The following PLEKHG5 variants were observed in gnomAD, a reference collection of about 807,000 sequenced individuals.
PLEKHG5 encodes pleckstrin homology and RhoGEF domain containing G5, also known as pleckstrin homology domain-containing family G member 5.
In PLEKHG5, 52 loss-of-function variants were observed where a neutral mutation model predicts 103.8. The ratio of observed to expected loss-of-function variants is 0.50; its 90% CI spans 0.40 to 0.63. PLEKHG5 has a LOEUF of 0.63. Ranked by LOEUF, PLEKHG5 falls within the 30% of genes least tolerant of loss-of-function variation. The probability of loss-of-function intolerance (pLI) is 0.00; values close to 1 mark genes in which losing one functional copy is unlikely to be tolerated. For missense variants in PLEKHG5, 1,205 were observed against 1,347.6 expected, an observed-to-expected ratio of 0.89 and a Z score of 1.66; for synonymous variants, 592 against 575.5, an observed-to-expected ratio of 1.03 and a Z score of -0.41.
At chr1:6,512,776 G>C (rs1043291289) in intron 1 of PLEKHG5, among the ~76,000 whole-genome samples, 8 of 152,210 alleles carry the variant, frequency 5.3e-5, no homozygotes, top group Non-Finnish European at 8.8e-5. Context: ...TCCAGAACCA[G>C]CCGGGCTCCC....
intron 1 of PLEKHG5, among the ~76,000 whole-genome samples, chr1:6,510,615 C>G: frequency 6.6e-6 from 1 of 152,172 alleles, no homozygotes; most frequent in East Asian, 1.9e-4. Context: ...TCTGCCTCTG[C>G]CCTCTGGAGG....
rs1248620019 is a variant in PLEKHG5 at position 6,490,990 on chromosome 1, T to G, written c.-88+647A>C. On this transcript the variant is annotated intron_variant, in intron 1 of 20. Transcript: ENST00000377728. The surrounding 1 kb of genome is among the most constrained non-coding windows in gnomAD (Gnocchi z 8.0). ...CCCGCAGGCCTAGCCCGCCCCGGAATCGCCCTGAGCCAGGTTCGCTTCCGC... is the reference window on the plus strand; with the variant it reads ...CCCGCAGGCCTAGCCCGCCCCGGAAGCGCCCTGAGCCAGGTTCGCTTCCGC... 6.6e-6 allele frequency among the ~76,000 whole-genome samples: 1 copy of G among 152,044 alleles called. No homozygotes were observed. The highest frequency in any genetic ancestry group is 1.5e-5 in the Non-Finnish European group (1 of 68,010).
intron 16 of PLEKHG5, 63 bp downstream of exon 16, chr1:6,470,173 G>A (rs1296594034): frequency 1.9e-6 from 3 of 1,584,484 alleles, no homozygotes; most frequent in East Asian, 4.5e-5. Flanking sequence ...GAGAACCAGT[G>A]ACTGGGGCCC....
At position 6,468,594 on chromosome 1, in the gene PLEKHG5, G is replaced by A; in HGVS notation, c.2250-8C>T. ...GTGGAGCCATCTGAGGCACTGTGGG[G>A]CCAGGAGCAGAGTCAGCCCAGGCCA... is the stretch of plus-strand genomic sequence containing the variant. On this transcript the variant is annotated splice_polypyrimidine_tract_variant and splice_region_variant and intron_variant, in intron 19 of 20. Transcript: ENST00000377728. 6.2e-7 allele frequency: 1 copy of A among 1,612,890 alleles called. No individual in the cohort carries two copies. The highest frequency in any genetic ancestry group is 8.5e-7 in the Non-Finnish European group (1 of 1,179,900).
At chr1:6,518,154 G>A (rs1039435385) in intron 1 of PLEKHG5, among the ~76,000 whole-genome samples, 13 of 151,474 alleles carry the variant, frequency 8.6e-5, no homozygotes, top group South Asian at 2.1e-4. Flanking sequence ...GGATGGTCTT[G>A]ATCTCCTGAC....
rs778550843 is a variant in PLEKHG5 at position 6,486,482 on chromosome 1, G to A, written c.-88+5155C>T. Among the ~76,000 whole-genome samples the A allele has an allele frequency of 6.6e-6, 1 of 152,238 alleles. No individual in the cohort carries two copies. The highest frequency in any genetic ancestry group is 1.5e-5 in the Non-Finnish European group (1 of 68,042). ...CGGCAGAGGCCGAGAGCCAAAGGCCGGTGGCCTCTGGAAAGGGCCGTGGGC... is the reference window on the plus strand; with the variant it reads ...CGGCAGAGGCCGAGAGCCAAAGGCCAGTGGCCTCTGGAAAGGGCCGTGGGC... On this transcript the variant is annotated intron_variant, in intron 1 of 20. Coordinates refer to ENST00000377728, the MANE Select transcript of PLEKHG5 (RefSeq NM_020631.6). This position sits in a 1 kb window ranked among gnomAD's most constrained non-coding sequence, Gnocchi z 5.3.
chr1:6,478,545 A>C (rs1160661775), intron 1 of PLEKHG5, among the ~76,000 whole-genome samples: 1 of 151,686 alleles, frequency 6.6e-6, no homozygotes, highest in Non-Finnish European at 1.5e-5. Context: ...TCACAGCTAA[A>C]CTCTGTAAAC....
At chr1:6,497,460 G>C (rs1645245209), upstream of PLEKHG5, 1 of 292,022 alleles carries the variant, frequency 3.4e-6, no homozygotes, top group African/African-American at 2.3e-5. The surrounding 1 kb of genome is among the most constrained non-coding windows in gnomAD (Gnocchi z 6.1). Flanking sequence ...GGGAGGAGCC[G>C]CGGCGGCCCC....
Position 6,487,125 on chromosome 1 carries a change from T to C in PLEKHG5, c.-88+4512A>G, listed in dbSNP as rs900629343. Among the ~76,000 whole-genome samples the C allele has an allele frequency of 6.6e-6, 1 of 152,216 alleles. No individual in the cohort carries two copies. The highest frequency in any genetic ancestry group is 2.4e-5 in the African/African-American group (1 of 41,462). On this transcript the variant is annotated intron_variant, in intron 1 of 20. Coordinates refer to ENST00000377728, the MANE Select transcript of PLEKHG5 (RefSeq NM_020631.6). The surrounding 1 kb of genome is among the most constrained non-coding windows in gnomAD (Gnocchi z 4.1). ...GAGTTGTGTTTTTGTTTTTTGTTTG[T>C]TTGTTTTTGAGACGGAATCTTGCTC...
chr1:6,497,128 G>T (rs1241168888), upstream of PLEKHG5: 2 of 1,181,160 alleles, frequency 1.7e-6, no homozygotes, highest in Non-Finnish European at 2.4e-6. This position sits in a 1 kb window ranked among gnomAD's most constrained non-coding sequence, Gnocchi z 6.1. Flanking sequence ...GCGAGAGGCG[G>T]GGGGAGGGAG....
In PLEKHG5 at chr1:6,467,183, A is replaced by G. The variant is rs1644404979; in HGVS notation, c.*380T>C. On this transcript the variant is annotated 3_prime_UTR_variant, in exon 21 of 21. Transcript: ENST00000377728. Reference sequence around the variant, plus strand: ...CTCAATAAATACGTAACTTCACAGAACCCAGCCCAAGCCAGGGGTGGCCTG... The same window carrying G: ...CTCAATAAATACGTAACTTCACAGAGCCCAGCCCAAGCCAGGGGTGGCCTG... The G allele has an allele frequency of 6.8e-6, 3 of 441,402 alleles. No individual in the cohort carries two copies. The highest frequency in any genetic ancestry group is 1.3e-5 in the Non-Finnish European group (3 of 236,782). The allele number at this position is 441,402 out of a possible 1,614,324, so 27.3% of individuals were successfully genotyped here.
Position 6,471,601 on chromosome 1 carries a change from T to C in PLEKHG5, c.1168A>G (p.Ile390Val). Residue 390 changes from isoleucine to valine, a missense_variant, in exon 12 of 21, where the codon ATC becomes GTC. Ile to Val is a conservative substitution (Grantham distance 29, BLOSUM62 3). Coordinates refer to ENST00000377728, the MANE Select transcript of PLEKHG5 (RefSeq NM_020631.6). ...AERLFSNIPEIAQLHRRLWAS... is the reference protein window; with the variant it reads ...AERLFSNIPEVAQLHRRLWAS... ...CACAGCCTGCGGTGCAGCTGCGCGA[T>C]CTCCGGGATGTTGCTGAACAGGCGC... The C allele has an allele frequency of 6.3e-7, 1 of 1,595,950 alleles. No individual in the cohort carries two copies. Among genetic ancestry groups the C allele is most frequent in the East Asian group, 2.3e-5 (1 of 44,044 alleles).
chr1:6,495,926 T>C (rs998130560), upstream of PLEKHG5, among the ~76,000 whole-genome samples: 1 of 152,186 alleles, frequency 6.6e-6, no homozygotes, highest in African/African-American at 2.4e-5. Context: ...GCCAGTACTA[T>C]TATCCTCCTT....
chr1:6,518,216 G>A (rs974974922), intron 1 of PLEKHG5, among the ~76,000 whole-genome samples: 7 of 151,734 alleles, frequency 4.6e-5, no homozygotes, highest in East Asian at 2.0e-4. Flanking sequence ...ACAGGTGTGA[G>A]CCACTGCGCC....
At chr1:6,470,947 TC>T (rs1644556649) in intron 13 of PLEKHG5, 42 bp downstream of exon 13, 2 of 1,468,302 alleles carry the variant, frequency 1.4e-6, no homozygotes, top group Non-Finnish European at 1.9e-6. Context: ...CCGTCCAGGG[TC>T]CCGTCCTCCT....
chr1:6,498,492 C>G (rs1261705250), upstream of PLEKHG5, among the ~76,000 whole-genome samples: 1 of 152,254 alleles, frequency 6.6e-6, no homozygotes, highest in Non-Finnish European at 1.5e-5. Flanking sequence ...ACTAAAGATC[C>G]TCTGAGGATC....
rs1246184549 is a variant in PLEKHG5, at chr1:6,472,429, C to CTCCTGCTCCTTCTGCAA, written c.1080+97_1080+98insTTGCAGAAGGAGCAGGA. On this transcript the variant is annotated intron_variant, in intron 10 of 20. Transcript: ENST00000377728. ...GACTTTCCTGCCCCCACCTCATTGC[C>CTCCTGCTCCTTCTGCAA]AGGCACCTGCTCCTTCTGCAAAGGC... The CTCCTGCTCCTTCTGCAA allele has an allele frequency of 1.4e-4, 127 of 898,936 alleles. 1 individual carries two copies. Among genetic ancestry groups the CTCCTGCTCCTTCTGCAA allele is most frequent in the Admixed American group, 4.1e-4 (21 of 50,886 alleles). The allele number at this position is 898,936 out of a possible 1,614,324, so 55.7% of individuals were successfully genotyped here. A position where few individuals can be genotyped will look rare whatever the true frequency, so the allele number is the denominator to read the frequency against.
intron 10 of PLEKHG5, 73 bp from the exon 11 acceptor site, chr1:6,471,881 CT>C: frequency 7.0e-7 from 1 of 1,420,796 alleles, no homozygotes; most frequent in South Asian, 1.2e-5. Context: ...CAGCCTCAGG[CT>C]CCCCTGCCAC....
intron 1 of PLEKHG5, among the ~76,000 whole-genome samples, chr1:6,485,060 C>T (rs1189605304): frequency 6.6e-6 from 1 of 152,070 alleles, no homozygotes; most frequent in East Asian, 1.9e-4. Flanking sequence ...ACAGGTGTGT[C>T]CGGAGCTGGC....
Sources: gnomAD v4.1 joint callset for allele counts (sites outside exome capture counted in the v4.1 genomes callset) on GRCh38, gnomAD v4.1.1 for gene constraint, Gnocchi (gnomAD v3.1) non-coding constraint, MANE v1.5 for transcripts, NCBI Gene and HGNC (gene_info 2026-07-23, HGNC 2026-07-21) for gene names.